The following EXOC6B variants were observed in gnomAD, a reference collection of about 807,000 sequenced individuals.
The protein encoded by EXOC6B is SEC15 homolog B.
In EXOC6B, 54 loss-of-function variants were observed where a neutral mutation model predicts 113.5. The observed-to-expected ratio is 0.48, with a 90% CI of 0.38 to 0.60. The LOEUF is 0.60. Ranked by LOEUF, EXOC6B falls within the 20% of genes least tolerant of loss-of-function variation. EXOC6B has a pLI of 0.00. For missense variants in EXOC6B, 797 were observed against 977.5 expected (o/e 0.82, Z 2.46); for synonymous variants, 357 against 339.0 (o/e 1.05, Z -0.58).
intron 20 of EXOC6B, among the ~76,000 whole-genome samples, chr2:72,229,336 A>G (rs1444346228): frequency 1.3e-5 from 2 of 152,196 alleles, no homozygotes; most frequent in Admixed American, 6.5e-5. Context: ...ATTTACGAAG[A>G]TTACGAAGCA....
intron 6 of EXOC6B, among the ~76,000 whole-genome samples, chr2:72,698,138 G>A (rs892824271): frequency 2.6e-5 from 4 of 152,054 alleles, no homozygotes; most frequent in African/African-American, 9.7e-5. Flanking sequence ...ACTGGAGAGG[G>A]GAAGATTGAA....
intron 20 of EXOC6B, among the ~76,000 whole-genome samples, chr2:72,320,595 T>TAA (rs1337714483): frequency 6.6e-6 from 1 of 152,150 alleles, no homozygotes; most frequent in Non-Finnish European, 1.5e-5. Flanking sequence ...ATCATAGACC[T>TAA]AAGTGTAAAA....
At chr2:72,309,418 C>T (rs1217115438) in intron 20 of EXOC6B, among the ~76,000 whole-genome samples, 15 of 152,096 alleles carry the variant, frequency 9.9e-5, no homozygotes, top group Admixed American at 9.2e-4. Flanking sequence ...CTCGTTTACT[C>T]GCTAATCCAA....
chr2:72,327,906 T>A (rs1023247910), intron 20 of EXOC6B, among the ~76,000 whole-genome samples: 1 of 152,128 alleles, frequency 6.6e-6, no homozygotes, highest in African/African-American at 2.4e-5. Context: ...AGGAGATAGA[T>A]CTTTTTTGCA....
At chr2:72,781,597 A>T (rs1684040053) in intron 1 of EXOC6B, among the ~76,000 whole-genome samples, 1 of 152,218 alleles carries the variant, frequency 6.6e-6, no homozygotes, top group Non-Finnish European at 1.5e-5. Context: ...ATGTTTCAAT[A>T]AAATTGCATT....
intron 6 of EXOC6B, among the ~76,000 whole-genome samples, chr2:72,659,625 C>A (rs763580524): frequency 5.9e-5 from 9 of 152,042 alleles, no homozygotes; most frequent in Non-Finnish European, 1.2e-4. Context: ...ATTGCAGTGA[C>A]CACAGTGTTG....
intron 6 of EXOC6B, among the ~76,000 whole-genome samples, chr2:72,697,792 T>C (rs1197995586): frequency 2.6e-5 from 4 of 152,222 alleles, no homozygotes; most frequent in South Asian, 2.1e-4. Flanking sequence ...CTTTATAATA[T>C]TGTGCATACT....
At chr2:72,437,128 T>C (rs138962415) in intron 18 of EXOC6B, among the ~76,000 whole-genome samples, 30 of 152,362 alleles carry the variant, frequency 2.0e-4, no homozygotes, top group African/African-American at 6.5e-4. Context: ...TTTTCTTTGT[T>C]AGTTTTCCTT....
chr2:72,180,418 T>G (rs1678007218), intron 21 of EXOC6B, among the ~76,000 whole-genome samples: 2 of 152,200 alleles, frequency 1.3e-5, no homozygotes, highest in Admixed American at 1.3e-4. Flanking sequence ...GCCCACAACC[T>G]CTGACATCTA....
intron 17 of EXOC6B, among the ~76,000 whole-genome samples, chr2:72,476,573 TGTGA>T (rs1285826942): frequency 6.6e-6 from 1 of 152,200 alleles, no homozygotes; most frequent in Non-Finnish European, 1.5e-5. Flanking sequence ...CATTCTGAAC[TGTGA>T]GTAATTGTGA....
chr2:72,176,972 C>T lies in EXOC6B; in HGVS notation c.*2363G>A, dbSNP rs1677771550. The T allele has an allele frequency of 6.6e-6, 1 of 152,204 alleles. No individual in the cohort carries two copies. Among genetic ancestry groups the T allele is most frequent in the African/African-American group, 2.4e-5 (1 of 41,450 alleles). 9.4% of individuals were successfully genotyped at this position (152,204 alleles called of 1,614,324 possible). A position where few individuals can be genotyped will look rare whatever the true frequency, so the allele number is the denominator to read the frequency against. On this transcript the variant is annotated 3_prime_UTR_variant, in exon 22 of 22. Coordinates refer to ENST00000272427, the MANE Select transcript of EXOC6B (RefSeq NM_015189.3). ...GTTATAGACAAAACTAAAAACATCC[C>T]ACTTTTCTAGTTCAAAAACTTGACA...
intron 1 of EXOC6B, among the ~76,000 whole-genome samples, chr2:72,758,244 T>A (rs1222304633): frequency 1.3e-5 from 2 of 151,800 alleles, no homozygotes; most frequent in Admixed American, 1.3e-4. Context: ...AGCAGATTCC[T>A]AGATCCCTTC....
chr2:72,529,633 T>C (rs1701896407), intron 8 of EXOC6B, among the ~76,000 whole-genome samples: 1 of 152,198 alleles, frequency 6.6e-6, no homozygotes, highest in South Asian at 2.1e-4. Context: ...GGATTGTTTG[T>C]TTGTTTGTTT....
Position 72,499,907 on chromosome 2 carries a change from T to A in EXOC6B, c.1233A>T (p.Thr411=), listed in dbSNP as rs187556079. Residue 411 remains threonine, a synonymous_variant, in exon 12 of 22, where the codon ACA becomes ACT. Coordinates refer to ENST00000272427, the MANE Select transcript of EXOC6B (RefSeq NM_015189.3). ...GTAAACAGAAATCACATACCTGAAGTGTGTCAGCAAAAAGCACAATGAGGT... is the reference window on the plus strand; with the variant it reads ...GTAAACAGAAATCACATACCTGAAGAGTGTCAGCAAAAAGCACAATGAGGT... ...LKNLIVLFAD[T]LQVYGFPVNQ... 1 of 1,550,744 alleles carries A rather than the reference T, an allele frequency of 6.4e-7. No homozygotes were observed. The highest frequency in any genetic ancestry group is 2.4e-5 in the East Asian group (1 of 41,208).
At chr2:72,375,259 TAA>T (rs1484154014) in intron 19 of EXOC6B, among the ~76,000 whole-genome samples, 1 of 151,840 alleles carries the variant, frequency 6.6e-6, no homozygotes, top group Non-Finnish European at 1.5e-5. Flanking sequence ...AAAACAAGTA[TAA>T]AAAAATCAGT....
At chr2:72,344,423 C>T (rs1381609733) in intron 19 of EXOC6B, among the ~76,000 whole-genome samples, 1 of 151,622 alleles carries the variant, frequency 6.6e-6, no homozygotes, top group East Asian at 1.9e-4. Flanking sequence ...ACCATCAGGT[C>T]TTTTCCAGGA....
intron 20 of EXOC6B, among the ~76,000 whole-genome samples, chr2:72,305,613 C>T (rs957717363): frequency 6.6e-6 from 1 of 151,966 alleles, no homozygotes; most frequent in African/African-American, 2.4e-5. Flanking sequence ...TAATATGATC[C>T]TTGGACAAAT....
intron 6 of EXOC6B, among the ~76,000 whole-genome samples, chr2:72,661,710 T>G (rs1398690698): frequency 1.3e-5 from 2 of 151,936 alleles, no homozygotes; most frequent in African/African-American, 2.4e-5. Flanking sequence ...GATTCTAGAA[T>G]TTATATAGAG....
intron 5 of EXOC6B, among the ~76,000 whole-genome samples, chr2:72,726,480 A>G (rs770772204): frequency 6.6e-5 from 10 of 152,220 alleles, no homozygotes; most frequent in African/African-American, 1.4e-4. Context: ...AAAGGTTGTC[A>G]TTTAATCAAA....
Sources: gnomAD v4.1 joint callset for allele counts (sites outside exome capture counted in the v4.1 genomes callset) on GRCh38, gnomAD v4.1.1 for gene constraint, MANE v1.5 for transcripts, NCBI Gene and HGNC (gene_info 2026-07-23, HGNC 2026-07-21) for gene names.